Variants in PARP11 observed in about 807,000 individuals in gnomAD.
PARP11 encodes the protein protein mono-ADP-ribosyltransferase PARP11.
PARP11 carries 31 observed loss-of-function variants against 42.9 expected under a neutral mutation model. The ratio of observed to expected loss-of-function variants is 0.72; its 90% CI spans 0.54 to 0.98. The LOEUF (loss-of-function observed/expected upper bound fraction) is 0.98. PARP11 is among the 50% of genes least tolerant of loss of function. The pLI, the probability that PARP11 is intolerant of heterozygous loss-of-function variation, is 0.00. For synonymous variants in PARP11, 137 were observed against 127.3 expected (o/e 1.08, Z -0.51); for missense variants, 365 against 413.1 (o/e 0.88, Z 1.01).
chr12:3,836,755 G>C (rs150198125), intron 1 of PARP11, among the ~76,000 whole-genome samples: 78 of 152,318 alleles, frequency 5.1e-4, no homozygotes, highest in Middle Eastern at 3.4e-3. Flanking sequence ...ATTATGTAGG[G>C]AGAGACAGTT....
chr12:3,811,991 T>C lies in PARP11; in HGVS notation c.*132A>G, dbSNP rs1182029615. The C allele has an allele frequency of 5.9e-6, 4 of 673,544 alleles. No homozygotes were observed. The highest frequency in any genetic ancestry group is 5.6e-5 in the East Asian group (2 of 35,538). 41.7% of individuals were successfully genotyped at this position (673,544 alleles called of 1,614,324 possible). Reference sequence around the variant, plus strand: ...CTTGAAGTCAGTATGTCTTTTTATATGGAGGCCACTTTTTTTCATATCTGT... The same window carrying C: ...CTTGAAGTCAGTATGTCTTTTTATACGGAGGCCACTTTTTTTCATATCTGT... On this transcript the variant is annotated 3_prime_UTR_variant, in exon 8 of 8. Coordinates refer to ENST00000228820, the MANE Select transcript of PARP11 (RefSeq NM_020367.6).
At chr12:3,869,120 T>A (rs920363148) in intron 1 of PARP11, among the ~76,000 whole-genome samples, 2 of 152,188 alleles carry the variant, frequency 1.3e-5, no homozygotes, top group African/African-American at 4.8e-5. Flanking sequence ...TTTGTCCCCA[T>A]GTTCTACTTT....
chr12:3,839,040 T>TC (rs1213993949), intron 1 of PARP11, among the ~76,000 whole-genome samples: 1 of 151,706 alleles, frequency 6.6e-6, no homozygotes, highest in African/African-American at 2.4e-5. Context: ...TTAATCCCGC[T>TC]CCCCCCGTTT....
At chr12:3,823,787 G>A (rs1267099498) in intron 4 of PARP11, among the ~76,000 whole-genome samples, 2 of 151,910 alleles carry the variant, frequency 1.3e-5, no homozygotes, top group African/African-American at 4.8e-5. Flanking sequence ...ATGGTGGCGT[G>A]CGGCTGTAAT....
Position 3,851,692 on chromosome 12 carries a change from A to G in PARP11, c.18+21520T>C, listed in dbSNP as rs561998867. Among the ~76,000 whole-genome samples, 5 of 152,346 alleles carry G rather than the reference A, an allele frequency of 3.3e-5. No individual in the cohort carries two copies. The South Asian group carries it at 1.0e-3, about 32-fold the overall frequency. Reference sequence around the variant, plus strand: ...CACCTCTGGGGGCAGGGCATAGCTGAACAAAAGGCAGCAGAAACTTCTGCA... The same window carrying G: ...CACCTCTGGGGGCAGGGCATAGCTGGACAAAAGGCAGCAGAAACTTCTGCA... On this transcript the variant is annotated intron_variant, in intron 1 of 7. Transcript: ENST00000228820.
chr12:3,839,945 T>C (rs990396986), intron 1 of PARP11: 14 of 1,224,836 alleles, frequency 1.1e-5, no homozygotes, highest in Admixed American at 1.7e-5. Flanking sequence ...AAAACTGCTG[T>C]TGCTGCTGCT....
chr12:3,820,438 A>G (rs1489811055), intron 6 of PARP11, among the ~76,000 whole-genome samples: 2 of 152,204 alleles, frequency 1.3e-5, no homozygotes, highest in African/African-American at 4.8e-5. Flanking sequence ...ACTTACCATC[A>G]CAGATTTCTA....
intron 1 of PARP11, among the ~76,000 whole-genome samples, chr12:3,862,578 ATATTT>A (rs934358697): frequency 6.7e-6 from 1 of 149,060 alleles, no homozygotes; most frequent in Non-Finnish European, 1.5e-5. Context: ...TCTATACTAT[ATATTT>A]TATTAGTATA....
chr12:3,853,385 GA>G (rs1948133150), intron 1 of PARP11, among the ~76,000 whole-genome samples: 1 of 152,158 alleles, frequency 6.6e-6, no homozygotes, highest in African/African-American at 2.4e-5. Flanking sequence ...GCATTCAGGA[GA>G]CCCATCTCAC....
At chr12:3,829,766 TAAA>T in intron 2 of PARP11, 121 bp downstream of exon 2, 1 of 1,006,970 alleles carries the variant, frequency 9.9e-7, no homozygotes. Context: ...TTCTTTTAGT[TAAA>T]CAATTTTATT....
chr12:3,852,129 G>A (rs1485230886), intron 1 of PARP11, among the ~76,000 whole-genome samples: 1 of 152,076 alleles, frequency 6.6e-6, no homozygotes, highest in Non-Finnish European at 1.5e-5. Context: ...CCCATCTATA[G>A]GTCACCGTCA....
chr12:3,855,096 A>G (rs1380886901), intron 1 of PARP11, among the ~76,000 whole-genome samples: 1 of 152,236 alleles, frequency 6.6e-6, no homozygotes, highest in Admixed American at 6.5e-5. Context: ...TTCATGCTAA[A>G]AACTCTCAAT....
chr12:3,830,305 T>A (rs892626265), intron 1 of PARP11, among the ~76,000 whole-genome samples: 1 of 152,118 alleles, frequency 6.6e-6, no homozygotes, highest in Non-Finnish European at 1.5e-5. Context: ...GCACTTCAGG[T>A]TTCAGCATAG....
intron 3 of PARP11, among the ~76,000 whole-genome samples, chr12:3,828,406 G>A (rs369310545): frequency 3.3e-5 from 5 of 151,950 alleles, no homozygotes; most frequent in East Asian, 1.9e-4. Context: ...AAAATTAGCC[G>A]GGTGTGGGGG....
At chr12:3,837,548 A>C (rs1947793095) in intron 1 of PARP11, among the ~76,000 whole-genome samples, 1 of 152,242 alleles carries the variant, frequency 6.6e-6, no homozygotes, top group African/African-American at 2.4e-5. Flanking sequence ...AGCAGTTACA[A>C]AACAACCAGA....
In PARP11 at chr12:3,809,591, A is replaced by C. The variant is rs1947130243; in HGVS notation, c.*2532T>G. The C allele has an allele frequency of 6.6e-6, 1 of 152,248 alleles. No homozygotes were observed. The highest frequency in any genetic ancestry group is 1.5e-5 in the Non-Finnish European group (1 of 68,048). 9.4% of individuals were successfully genotyped at this position (152,248 alleles called of 1,614,324 possible). On this transcript the variant is annotated 3_prime_UTR_variant, in exon 8 of 8. Transcript: ENST00000228820. ...AAAAACAACTCCCAAATGCTGTAACAGTTTTTCCATTCAAGTGCTGAGAGA... is the reference window on the plus strand; with the variant it reads ...AAAAACAACTCCCAAATGCTGTAACCGTTTTTCCATTCAAGTGCTGAGAGA...
At chr12:3,850,993 T>C (rs1374159985) in intron 1 of PARP11, among the ~76,000 whole-genome samples, 3 of 152,210 alleles carry the variant, frequency 2.0e-5, no homozygotes, top group Non-Finnish European at 4.4e-5. Flanking sequence ...GGATAGTCCA[T>C]CAGCATCACA....
In PARP11 at chr12:3,812,251, G is replaced by T; in HGVS notation, c.889C>A (p.Pro297Thr). The change falls in exon 8 of 8, where the codon CCT (proline) becomes ACT (threonine). Residue 297 changes from proline (P) to threonine (T), a missense_variant. Pro to Thr is a conservative substitution (Grantham distance 38). Transcript: ENST00000228820. ...YINGDSKYMRPPSKDGSYVNL... is the reference protein window; with the variant it reads ...YINGDSKYMRTPSKDGSYVNL... Reference sequence around the variant, plus strand: ...ACATAGCTCCCGTCTTTGGAAGGAGGTCGCATGTATTTGGAGTCTCCGTTT... The same window carrying T: ...ACATAGCTCCCGTCTTTGGAAGGAGTTCGCATGTATTTGGAGTCTCCGTTT... 1 of 1,614,180 alleles carries T rather than the reference G, an allele frequency of 6.2e-7. No homozygotes were observed. Among genetic ancestry groups the T allele is most frequent in the Non-Finnish European group, 8.5e-7 (1 of 1,179,992 alleles).
intron 1 of PARP11, among the ~76,000 whole-genome samples, chr12:3,853,602 G>C (rs553342023): frequency 5.0e-4 from 76 of 152,296 alleles, no homozygotes; most frequent in African/African-American, 1.8e-3. Context: ...AAATATATAT[G>C]CACCCAATAT....
Sources: gnomAD v4.1 joint callset for allele counts (sites outside exome capture counted in the v4.1 genomes callset) on GRCh38, gnomAD v4.1.1 for gene constraint, MANE v1.5 for transcripts, NCBI Gene and HGNC (gene_info 2026-07-23, HGNC 2026-07-21) for gene names.